PTPRN2: variants seen among roughly 807,000 people sequenced by gnomAD.
The protein encoded by PTPRN2 is receptor-type tyrosine-protein phosphatase N2.
PTPRN2 carries 74 observed loss-of-function variants against 118.8 expected under a neutral mutation model. The ratio of observed to expected loss-of-function variants is 0.62; its 90% CI spans 0.52 to 0.76. The LOEUF is 0.76. Among genes scored for constraint, PTPRN2 ranks in the 30% least tolerant of loss-of-function variants. PTPRN2 has a pLI of 0.00. For missense variants in PTPRN2, 1,481 were observed against 1,394.4 expected, an observed-to-expected ratio of 1.06 and a Z score of -0.99; for synonymous variants, 641 against 608.0, an observed-to-expected ratio of 1.05 and a Z score of -0.80.
intron 11 of PTPRN2, among the ~76,000 whole-genome samples, chr7:157,966,743 A>G (rs1024432575): frequency 2.0e-5 from 3 of 151,956 alleles, no homozygotes; most frequent in African/African-American, 4.8e-5. Flanking sequence ...CGTCTTCATT[A>G]TCACCATTAC....
intron 10 of PTPRN2, among the ~76,000 whole-genome samples, chr7:158,085,025 G>A (rs1326666783): frequency 1.8e-5 from 2 of 110,992 alleles, no homozygotes; most frequent in African/African-American, 3.6e-5. Context: ...CCACACCCAC[G>A]ACGCCCATCC....
At chr7:158,036,848 A>G (rs1300176538) in intron 11 of PTPRN2, among the ~76,000 whole-genome samples, 1 of 152,224 alleles carries the variant, frequency 6.6e-6, no homozygotes, top group Non-Finnish European at 1.5e-5. Context: ...TGGGATAGAT[A>G]ATGAAGCCTT....
At chr7:158,453,897 CG>C (rs1818262666) in intron 2 of PTPRN2, among the ~76,000 whole-genome samples, 3 of 79,916 alleles carry the variant, frequency 3.8e-5, no homozygotes, top group Admixed American at 1.3e-4. Context: ...ACACAATCAC[CG>C]ATGTCAGGAT....
intron 2 of PTPRN2, among the ~76,000 whole-genome samples, chr7:158,421,932 A>G (rs1167603639): frequency 6.6e-6 from 1 of 152,224 alleles, no homozygotes; most frequent in Non-Finnish European, 1.5e-5. Flanking sequence ...ACTTGGGCCC[A>G]CCTTCATTTT....
chr7:158,556,863 G>A (rs1480345848), intron 1 of PTPRN2, among the ~76,000 whole-genome samples: 1 of 132,348 alleles, frequency 7.6e-6, no homozygotes, highest in Admixed American at 7.5e-5. Flanking sequence ...ACAGCTCCCG[G>A]GCAGGTCAGG....
intron 3 of PTPRN2, among the ~76,000 whole-genome samples, chr7:158,270,868 CG>C (rs1368211545): frequency 2.1e-4 from 11 of 52,562 alleles, no homozygotes; most frequent in African/African-American, 5.7e-4. Context: ...CCACCTGGAC[CG>C]CCCCCTCCAC....
At chr7:158,356,446 T>A (rs1808389906) in intron 2 of PTPRN2, among the ~76,000 whole-genome samples, 1 of 152,230 alleles carries the variant, frequency 6.6e-6, no homozygotes, top group Non-Finnish European at 1.5e-5. Context: ...TTCAAATTCA[T>A]CAACTCATAG....
At chr7:158,001,979 C>T (rs1027329925) in intron 11 of PTPRN2, among the ~76,000 whole-genome samples, 2 of 152,328 alleles carry the variant, frequency 1.3e-5, no homozygotes, top group East Asian at 3.9e-4. Flanking sequence ...CCTGGGATCA[C>T]GTTGTTTCAG....
intron 3 of PTPRN2, among the ~76,000 whole-genome samples, chr7:158,242,501 C>T (rs1795959153): frequency 6.6e-6 from 1 of 152,146 alleles, no homozygotes; most frequent in African/African-American, 2.4e-5. Flanking sequence ...GTCTTCTTTC[C>T]CTGGAGTGTT....
intron 1 of PTPRN2, among the ~76,000 whole-genome samples, chr7:158,585,416 A>G (rs921428635): frequency 6.6e-6 from 1 of 152,350 alleles, no homozygotes; most frequent in African/African-American, 2.4e-5. Flanking sequence ...AGTCCTCGAA[A>G]CAATTTCAAC....
In PTPRN2 at chr7:157,615,493, T is replaced by A; in HGVS notation, c.2344+5869A>T. 2 of 471,202 alleles carry A rather than the reference T, an allele frequency of 4.2e-6. No individual in the cohort carries two copies. Among genetic ancestry groups the A allele is most frequent in the Non-Finnish European group, 8.8e-6 (2 of 227,060 alleles). The allele number at this position is 471,202 out of a possible 1,614,324, so 29.2% of individuals were successfully genotyped here. A position where few individuals can be genotyped will look rare whatever the true frequency, so the allele number is the denominator to read the frequency against. ...AACATCTGATGAGCCTTTGCCAATATGCTCGGGACCTGGGGACGGCTGGGG... is the reference window on the plus strand; with the variant it reads ...AACATCTGATGAGCCTTTGCCAATAAGCTCGGGACCTGGGGACGGCTGGGG... On this transcript the variant is annotated intron_variant, in intron 15 of 22. Coordinates refer to ENST00000389418, the MANE Select transcript of PTPRN2 (RefSeq NM_002847.5). This position sits in a 1 kb window ranked among gnomAD's most constrained non-coding sequence, Gnocchi z 4.3.
At chr7:157,806,246 G>A (rs1805624124) in intron 12 of PTPRN2, among the ~76,000 whole-genome samples, 2 of 152,188 alleles carry the variant, frequency 1.3e-5, no homozygotes, top group African/African-American at 4.8e-5. Flanking sequence ...CTCCAAATCA[G>A]CATTTTCCTT....
chr7:158,182,447 G>C (rs2150664556), intron 5 of PTPRN2, among the ~76,000 whole-genome samples: 2 of 152,094 alleles, frequency 1.3e-5, no homozygotes, highest in East Asian at 3.9e-4. Flanking sequence ...TGCACCTATT[G>C]ACTTGTCCTC....
At chr7:157,545,965 G>C (rs221270) in intron 22 of PTPRN2, among the ~76,000 whole-genome samples, 146,275 of 152,270 alleles carry the variant, frequency 0.96, 70,354 homozygotes, top group Middle Eastern at 1. Context: ...AACTGAACTT[G>C]TAGGGGAAGT....
At chr7:157,956,086 A>T (rs993552459) in intron 11 of PTPRN2, among the ~76,000 whole-genome samples, 1 of 152,034 alleles carries the variant, frequency 6.6e-6, no homozygotes, top group African/African-American at 2.4e-5. Flanking sequence ...TTTGGATGAG[A>T]TTTTATTCTT....
At position 158,587,749 on chromosome 7, in the gene PTPRN2, G is replaced by C; in HGVS notation, c.-80C>G. 1.9e-6 allele frequency: 2 copies of C among 1,072,612 alleles called. No homozygotes were observed. The highest frequency in any genetic ancestry group is 2.3e-6 in the Non-Finnish European group (2 of 888,552). 66.4% of individuals were successfully genotyped at this position (1,072,612 alleles called of 1,614,324 possible). On this transcript the variant is annotated 5_prime_UTR_variant, in exon 1 of 23. Coordinates refer to ENST00000389418, the MANE Select transcript of PTPRN2 (RefSeq NM_002847.5). ...GGCGGCCGAGTCCGGGCCCAGGGAG[G>C]CGCGCGCCGCCGGCTCCTCCCGCCG...
chr7:157,573,756 C>G (rs1031450912), intron 19 of PTPRN2, among the ~76,000 whole-genome samples: 1 of 152,190 alleles, frequency 6.6e-6, no homozygotes, highest in Non-Finnish European at 1.5e-5. Context: ...TCCCCACTCC[C>G]GAAACTCCTG....
chr7:158,439,704 G>A (rs556753379), intron 2 of PTPRN2, among the ~76,000 whole-genome samples: 1 of 152,300 alleles, frequency 6.6e-6, no homozygotes, highest in Non-Finnish European at 1.5e-5. Flanking sequence ...ATCTTCCATA[G>A]ACATAGAAAG....
chr7:158,332,036 C>A (rs1275655740), intron 2 of PTPRN2, among the ~76,000 whole-genome samples: 1 of 151,024 alleles, frequency 6.6e-6, no homozygotes, highest in African/African-American at 2.5e-5. Flanking sequence ...CTGACACCCA[C>A]ACTCTAACGA....
Sources: gnomAD v4.1 joint callset for allele counts (sites outside exome capture counted in the v4.1 genomes callset) on GRCh38, gnomAD v4.1.1 for gene constraint, Gnocchi (gnomAD v3.1) non-coding constraint, MANE v1.5 for transcripts, NCBI Gene and HGNC (gene_info 2026-07-23, HGNC 2026-07-21) for gene names.